FTO: variants seen among roughly 807,000 people sequenced by gnomAD.
FTO encodes the protein alpha-ketoglutarate-dependent dioxygenase FTO.
Under a neutral mutation model 63.9 loss-of-function variants are expected in FTO, and 47 were observed. The observed-to-expected ratio is 0.74, with a 90% CI of 0.58 to 0.94. FTO has a LOEUF of 0.94. Ranked by LOEUF, FTO falls within the 40% of genes least tolerant of loss-of-function variation. The pLI, the probability that FTO is intolerant of heterozygous loss-of-function variation, is 0.00. For synonymous variants in FTO, 207 were observed against 224.4 expected (o/e 0.92, Z 0.69); for missense variants, 562 against 618.1 (o/e 0.91, Z 0.96).
intron 4 of FTO, among the ~76,000 whole-genome samples, chr16:53,863,454 T>C (rs1200069602): frequency 6.6e-6 from 1 of 152,212 alleles, no homozygotes; most frequent in Admixed American, 6.5e-5. Flanking sequence ...GTAGAGATTT[T>C]ATAAATTGGA....
rs58342113 is a variant in FTO, at chr16:53,803,728, A to T, written c.46-6412A>T. Among the ~76,000 whole-genome samples the T allele has an allele frequency of 0.039, 5,950 of 152,234 alleles. 490 individuals carry two copies. The East Asian group carries it at 0.4, about 10-fold the overall frequency. On this transcript the variant is annotated intron_variant, in intron 1 of 8. Transcript: ENST00000471389. ...TATAGTCTCTTGCCAGTCACTTCAT[A>T]GCTCTGGATGGGCCTTAGTTTCTTT... is the stretch of plus-strand genomic sequence containing the variant.
intron 1 of FTO, among the ~76,000 whole-genome samples, chr16:53,738,827 G>T (rs2076453697): frequency 6.6e-6 from 1 of 152,022 alleles, no homozygotes; most frequent in Non-Finnish European, 1.5e-5. Context: ...GCCAATACTT[G>T]TTATTGCCTA....
In FTO at chr16:54,112,589, T is replaced by C. The variant is rs1311278133; in HGVS notation, c.*674T>C. The C allele has an allele frequency of 6.6e-6, 1 of 152,446 alleles. No homozygotes were observed. The highest frequency in any genetic ancestry group is 2.4e-5 in the African/African-American group (1 of 41,462). 9.4% of individuals were successfully genotyped at this position (152,446 alleles called of 1,614,324 possible). ...CTCATTTCCATTCGTCTGTAGCTTC[T>C]ATCCCCAAAGGCAAAGAAACTAAAA... On this transcript the variant is annotated 3_prime_UTR_variant, in exon 9 of 9. Coordinates refer to ENST00000471389, the MANE Select transcript of FTO (RefSeq NM_001080432.3).
In FTO at chr16:53,848,492, A is replaced by C. The variant is rs531439873; in HGVS notation, c.895+4194A>C. ...TAAGGTTGTCACGGTTTTACTTTTA[A>C]ATTGGAATCTTTGCCCTAATCTCAG... On this transcript the variant is annotated intron_variant, in intron 4 of 8. Transcript: ENST00000471389. 3.9e-5 allele frequency among the ~76,000 whole-genome samples: 6 copies of C among 152,280 alleles called. No individual in the cohort carries two copies. In the East Asian group the frequency reaches 1.2e-3, roughly 29 times the overall value.
At chr16:54,052,337 A>G (rs946918093) in intron 8 of FTO, among the ~76,000 whole-genome samples, 3 of 152,190 alleles carry the variant, frequency 2.0e-5, no homozygotes, top group Non-Finnish European at 4.4e-5. Flanking sequence ...AAAAAGTTAA[A>G]TATTTCCATA....
chr16:53,896,774 A>G (rs1441704858), intron 7 of FTO, among the ~76,000 whole-genome samples: 1 of 151,978 alleles, frequency 6.6e-6, no homozygotes, highest in Non-Finnish European at 1.5e-5. Context: ...TCCTTTCCTA[A>G]TTTTCCTTCC....
intron 1 of FTO, among the ~76,000 whole-genome samples, chr16:53,735,247 A>T (rs1310293914): frequency 6.6e-6 from 1 of 152,224 alleles, no homozygotes; most frequent in Admixed American, 6.5e-5. Context: ...ACTTTGAATT[A>T]TCCATCCAAT....
chr16:53,848,386 C>T (rs1307300060), intron 4 of FTO, among the ~76,000 whole-genome samples: 5 of 152,132 alleles, frequency 3.3e-5, no homozygotes, highest in Non-Finnish European at 7.4e-5. Context: ...TGATGGGGAA[C>T]GTGTCGGGTG....
intron 1 of FTO, among the ~76,000 whole-genome samples, chr16:53,805,115 C>T (rs1301166949): frequency 2.0e-5 from 3 of 152,054 alleles, no homozygotes; most frequent in Non-Finnish European, 4.4e-5. Flanking sequence ...GAACCTGACA[C>T]AATAGGATGC....
At chr16:53,776,485 A>G (rs950505072) in intron 1 of FTO, among the ~76,000 whole-genome samples, 1 of 152,216 alleles carries the variant, frequency 6.6e-6, no homozygotes, top group African/African-American at 2.4e-5. Flanking sequence ...TTTTGGCTTC[A>G]GAACCCTTTT....
intron 1 of FTO, among the ~76,000 whole-genome samples, chr16:53,742,517 A>C (rs981262514): frequency 2.0e-5 from 3 of 152,198 alleles, no homozygotes; most frequent in Non-Finnish European, 4.4e-5. Flanking sequence ...GCAATCCAGC[A>C]CTGGTCTGGC....
At chr16:53,851,471 A>G (rs897638879) in intron 4 of FTO, among the ~76,000 whole-genome samples, 1 of 149,668 alleles carries the variant, frequency 6.7e-6, no homozygotes, top group Non-Finnish European at 1.5e-5. Flanking sequence ...AAAAAAAAAA[A>G]GGAAAAAAAA....
intron 8 of FTO, among the ~76,000 whole-genome samples, chr16:53,995,543 C>T (rs1257516742): frequency 6.6e-6 from 1 of 152,162 alleles, no homozygotes; most frequent in Non-Finnish European, 1.5e-5. Context: ...AGCCAGGTAC[C>T]CTGGCAGCCA....
At chr16:53,723,261 T>C (rs180764092) in intron 1 of FTO, among the ~76,000 whole-genome samples, 1 of 152,382 alleles carries the variant, frequency 6.6e-6, no homozygotes, top group Non-Finnish European at 1.5e-5. Context: ...AGCATCTGTC[T>C]GTACCGTGGT....
intron 8 of FTO, among the ~76,000 whole-genome samples, chr16:53,950,652 T>C (rs143402644): frequency 1.8e-3 from 270 of 152,330 alleles, no homozygotes; most frequent in African/African-American, 6.3e-3. Flanking sequence ...GAAGAACTAA[T>C]AGTAATTCAA....
chr16:53,917,417 G>A (rs1203797358), intron 7 of FTO, among the ~76,000 whole-genome samples: 1 of 152,062 alleles, frequency 6.6e-6, no homozygotes, highest in African/African-American at 2.4e-5. Context: ...TTTCTTTTCT[G>A]TAAGCTGGGA....
chr16:53,750,380 G>A (rs1028776191), intron 1 of FTO, among the ~76,000 whole-genome samples: 2 of 151,944 alleles, frequency 1.3e-5, no homozygotes, highest in Non-Finnish European at 2.9e-5. Flanking sequence ...TGGGATTACA[G>A]GTGCACGCCA....
intron 8 of FTO, among the ~76,000 whole-genome samples, chr16:53,934,358 C>T (rs1211966108): frequency 1.3e-5 from 2 of 152,130 alleles, no homozygotes; most frequent in East Asian, 1.9e-4. Flanking sequence ...TAAGTGTTTG[C>T]ATTTTGAGCA....
In FTO at chr16:54,112,003, C is replaced by T. The variant is rs565387719; in HGVS notation, c.*88C>T. 5 of 1,426,396 alleles carry T rather than the reference C, an allele frequency of 3.5e-6. No individual in the cohort carries two copies. Among genetic ancestry groups the T allele is most frequent in the Non-Finnish European group, 3.9e-6 (4 of 1,012,950 alleles). The allele number at this position is 1,426,396 out of a possible 1,614,324, so 88.4% of individuals were successfully genotyped here. ...TGGGCTTAAGCAAGAGCAGTGGAGA[C>T]TTCTCTTGGCCCCTAGATTGTAGCA... On this transcript the variant is annotated 3_prime_UTR_variant, in exon 9 of 9. Coordinates refer to ENST00000471389, the MANE Select transcript of FTO (RefSeq NM_001080432.3).
Sources: gnomAD v4.1 joint callset for allele counts (sites outside exome capture counted in the v4.1 genomes callset) on GRCh38, gnomAD v4.1.1 for gene constraint, MANE v1.5 for transcripts, NCBI Gene and HGNC (gene_info 2026-07-23, HGNC 2026-07-21) for gene names.